The following ULK4 variants were observed in gnomAD, a reference collection of about 807,000 sequenced individuals.
The protein encoded by ULK4 is unc-51 like kinase 4, also known as inactive serine/threonine-protein kinase ULK4.
A neutral mutation model predicts 160.6 loss-of-function variants in ULK4; 133 were observed. The observed-to-expected ratio is 0.83, with a 90% CI of 0.72 to 0.96. The LOEUF (loss-of-function observed/expected upper bound fraction) is 0.96, where lower values mean the gene tolerates loss of function less well. Among genes scored for constraint, ULK4 ranks in the 40% least tolerant of loss-of-function variants. The probability of loss-of-function intolerance (pLI) is 0.00; values close to 1 mark genes in which losing one functional copy is unlikely to be tolerated. For synonymous variants in ULK4, 534 were observed against 539.8 expected, an observed-to-expected ratio of 0.99 and a Z score of 0.15; for missense variants, 1,580 against 1,499.5, an observed-to-expected ratio of 1.05 and a Z score of -0.89.
At chr3:41,836,527 T>C (rs1465416865) in intron 17 of ULK4, among the ~76,000 whole-genome samples, 1 of 152,152 alleles carries the variant, frequency 6.6e-6, no homozygotes, top group East Asian at 1.9e-4. Flanking sequence ...AGGCAATTAA[T>C]TGCTGCCCTA....
At chr3:41,572,570 C>T (rs2125614501) in intron 31 of ULK4, among the ~76,000 whole-genome samples, 2 of 150,526 alleles carry the variant, frequency 1.3e-5, no homozygotes, top group Admixed American at 1.3e-4. Context: ...ACCATCCTGG[C>T]TAACATGGTG....
At chr3:41,923,969 C>T (rs1238136926) in intron 5 of ULK4, among the ~76,000 whole-genome samples, 2 of 152,152 alleles carry the variant, frequency 1.3e-5, no homozygotes, top group African/African-American at 4.8e-5. Context: ...CAGCCAACCC[C>T]TATCTTTACA....
chr3:41,730,645 A>C (rs1318776053), intron 22 of ULK4, among the ~76,000 whole-genome samples: 1 of 152,190 alleles, frequency 6.6e-6, no homozygotes, highest in African/African-American at 2.4e-5. Context: ...ATCAAAGAAA[A>C]GCCCAGAGCC....
At chr3:41,613,120 A>G (rs951821782) in intron 31 of ULK4, among the ~76,000 whole-genome samples, 3 of 152,160 alleles carry the variant, frequency 2.0e-5, no homozygotes, top group African/African-American at 7.2e-5. Flanking sequence ...AATCACTGCA[A>G]AGAAGCTGCC....
chr3:41,933,112 A>ATGTC (rs200884869), intron 4 of ULK4, among the ~76,000 whole-genome samples: 2,039 of 152,314 alleles, frequency 0.013, 25 homozygotes, highest in Non-Finnish European at 0.02. Flanking sequence ...CATACTAAGG[A>ATGTC]TGTCTGTTGG....
At chr3:41,718,784 A>G (rs151331096) in intron 22 of ULK4, among the ~76,000 whole-genome samples, 431 of 152,358 alleles carry the variant, frequency 2.8e-3, no homozygotes, top group African/African-American at 9.8e-3. Flanking sequence ...ATATACATAT[A>G]TACATAAAAT....
Position 41,558,685 on chromosome 3 carries a change from T to C in ULK4, c.3226+7340A>G, listed in dbSNP as rs908023926. On this transcript the variant is annotated intron_variant, in intron 32 of 36. Coordinates refer to ENST00000301831, the MANE Select transcript of ULK4 (RefSeq NM_017886.4). ...CGCCATGGCACTTCAGCCTGAGCAA[T>C]AGAGCAAGACTCCATCTCAAAAAAA... 2.2e-5 allele frequency among the ~76,000 whole-genome samples: 3 copies of C among 138,944 alleles called. No individual in the cohort carries two copies. In the Admixed American group the frequency reaches 2.4e-4, roughly 11 times the overall value. The allele number at this position is 138,944 out of a possible 152,430, so 91.2% of individuals were successfully genotyped here.
intron 21 of ULK4, among the ~76,000 whole-genome samples, chr3:41,766,068 A>G (rs1170118386): frequency 6.6e-6 from 1 of 152,004 alleles, no homozygotes. Context: ...CAGGAGTTCA[A>G]GACCAGCCTG....
intron 35 of ULK4, among the ~76,000 whole-genome samples, chr3:41,345,851 G>A (rs1048825468): frequency 9.2e-5 from 14 of 152,130 alleles, no homozygotes; most frequent in Admixed American, 3.3e-4. Context: ...AATGGGAGTA[G>A]CACAGACATT....
chr3:41,453,304 T>A (rs1026243984), intron 34 of ULK4, among the ~76,000 whole-genome samples: 6 of 152,128 alleles, frequency 3.9e-5, no homozygotes, highest in African/African-American at 1.4e-4. Context: ...GCCTCCCAAG[T>A]AGCTAGAACT....
chr3:41,914,382 C>T (rs1698898512), intron 8 of ULK4, among the ~76,000 whole-genome samples: 1 of 152,162 alleles, frequency 6.6e-6, no homozygotes, highest in Non-Finnish European at 1.5e-5. Context: ...AATGTATTTT[C>T]ATCCATCAAA....
At chr3:41,875,646 T>G (rs757291258) in intron 17 of ULK4, among the ~76,000 whole-genome samples, 1 of 151,622 alleles carries the variant, frequency 6.6e-6, no homozygotes, top group African/African-American at 2.4e-5. Flanking sequence ...AATAATCTGT[T>G]GAAAATAAAG....
intron 22 of ULK4, among the ~76,000 whole-genome samples, chr3:41,725,391 A>G (rs1349363678): frequency 6.6e-6 from 1 of 151,994 alleles, no homozygotes; most frequent in African/African-American, 2.4e-5. Flanking sequence ...TTTCCTCTAT[A>G]TCTCTCCCAC....
chr3:41,374,681 A>T (rs773799694), intron 35 of ULK4, among the ~76,000 whole-genome samples: 1 of 152,240 alleles, frequency 6.6e-6, no homozygotes, highest in Non-Finnish European at 1.5e-5. Context: ...AGCCAATATT[A>T]CACTGTATGG....
At chr3:41,512,890 T>C (rs956604197) in intron 32 of ULK4, among the ~76,000 whole-genome samples, 1 of 152,114 alleles carries the variant, frequency 6.6e-6, no homozygotes, top group African/African-American at 2.4e-5. Flanking sequence ...TATAAGGTAA[T>C]AGTCACCAAA....
chr3:41,271,780 T>A (rs1165569661), intron 35 of ULK4, among the ~76,000 whole-genome samples: 3 of 151,484 alleles, frequency 2.0e-5, no homozygotes, highest in African/African-American at 7.3e-5. Context: ...GACATTTGGA[T>A]TGTTTCCAGA....
At chr3:41,561,253 G>A (rs2087557209) in intron 32 of ULK4, among the ~76,000 whole-genome samples, 1 of 152,168 alleles carries the variant, frequency 6.6e-6, no homozygotes, top group Non-Finnish European at 1.5e-5. Context: ...ATGTGCTACT[G>A]GATTCGGTCT....
intron 31 of ULK4, among the ~76,000 whole-genome samples, chr3:41,570,228 T>C (rs985621934): frequency 4.6e-5 from 7 of 152,166 alleles, no homozygotes; most frequent in African/African-American, 1.7e-4. Context: ...AGACAAAGTG[T>C]TTGCTTTCCA....
intron 35 of ULK4, among the ~76,000 whole-genome samples, chr3:41,347,337 T>A (rs2080821154): frequency 6.6e-6 from 1 of 152,230 alleles, no homozygotes; most frequent in Admixed American, 6.5e-5. Flanking sequence ...AGAATTATTT[T>A]GTTGGAAATT....
Sources: allele counts gnomAD v4.1 joint callset (sites outside exome capture counted in the v4.1 genomes callset), GRCh38; gene constraint gnomAD v4.1.1; transcripts MANE v1.5; gene names NCBI Gene and HGNC (gene_info 2026-07-23, HGNC 2026-07-21).